CBL: variants seen among roughly 807,000 people sequenced by gnomAD.
CBL encodes Cbl proto-oncogene.
A neutral mutation model predicts 96.9 loss-of-function variants in CBL; 45 were observed. The ratio of observed to expected loss-of-function variants is 0.46; its 90% CI spans 0.37 to 0.60. The LOEUF is 0.60. Ranked by LOEUF, CBL falls within the 20% of genes least tolerant of loss-of-function variation. The probability of loss-of-function intolerance (pLI) is 0.00; values close to 1 mark genes in which losing one functional copy is unlikely to be tolerated. For synonymous variants in CBL, 420 were observed against 426.8 expected, an observed-to-expected ratio of 0.98 and a Z score of 0.20; for missense variants, 1,024 against 1,143.5, an observed-to-expected ratio of 0.90 and a Z score of 1.51.
At chr11:119,241,719 T>G (rs1212033898) in intron 2 of CBL, among the ~76,000 whole-genome samples, 2 of 152,140 alleles carry the variant, frequency 1.3e-5, no homozygotes, top group Non-Finnish European at 2.9e-5. Context: ...TTGGGCTTGG[T>G]GGGAAGAGAT....
At chr11:119,232,719 T>G (rs1196500290) in intron 2 of CBL, 24 bp downstream of exon 2, 4 of 1,609,542 alleles carry the variant, frequency 2.5e-6, no homozygotes, top group African/African-American at 1.3e-5. Context: ...ACTACACAAA[T>G]AATTATGCAG....
chr11:119,277,241 G>GCACA (rs59099916), intron 6 of CBL, among the ~76,000 whole-genome samples: 2,457 of 146,462 alleles, frequency 0.017, 69 homozygotes, highest in African/African-American at 0.053. Flanking sequence ...AATCTGTCGC[G>GCACA]CACACACACA....
chr11:119,249,781 C>T (rs1949658095), intron 2 of CBL, among the ~76,000 whole-genome samples: 1 of 151,708 alleles, frequency 6.6e-6, no homozygotes, highest in Non-Finnish European at 1.5e-5. Flanking sequence ...CCTAAGCTTC[C>T]CAAGTTGCTG....
chr11:119,207,839 C>T (rs768161465), intron 1 of CBL, among the ~76,000 whole-genome samples: 19 of 152,138 alleles, frequency 1.2e-4, no homozygotes, highest in Non-Finnish European at 5.9e-5. Flanking sequence ...GGCCTCGGTT[C>T]CTCTTCTGTA....
At chr11:119,270,416 T>TTATATATATATATATATATATA (rs142299271) in intron 2 of CBL, among the ~76,000 whole-genome samples, 1 of 74,358 alleles carries the variant, frequency 1.3e-5, no homozygotes, top group Non-Finnish European at 2.4e-5. Context: ...CAGCTAATTT[T>TTATATATATATATATATATATA]TATATATATA....
rs1206278540 is a variant in CBL at position 119,277,831 on chromosome 11, T to G, written c.1082T>G (p.Ile361Ser). Reference sequence around the variant, plus strand: ...TGTGAACCAACTCCCCAAGACCATATCAAAGTGACCCAGGTGAGTTTTGTT... The same window carrying G: ...TGTGAACCAACTCCCCAAGACCATAGCAAAGTGACCCAGGTGAGTTTTGTT... Reference protein sequence around the residue: ...GLCEPTPQDHIKVTQEQYELY... With the variant: ...GLCEPTPQDHSKVTQEQYELY... The change falls in exon 7 of 16, where the codon ATC (isoleucine) becomes AGC (serine). Residue 361 changes from isoleucine to serine, a missense_variant. Coordinates refer to ENST00000264033, the MANE Select transcript of CBL (RefSeq NM_005188.4). 1 of 1,612,264 alleles carries G rather than the reference T, an allele frequency of 6.2e-7. No individual in the cohort carries two copies. Among genetic ancestry groups the G allele is most frequent in the Non-Finnish European group, 8.5e-7 (1 of 1,178,300 alleles).
chr11:119,226,525 T>C (rs1173934421), intron 1 of CBL, among the ~76,000 whole-genome samples: 1 of 152,096 alleles, frequency 6.6e-6, no homozygotes, highest in Non-Finnish European at 1.5e-5. Context: ...GTGGCATGTC[T>C]CAGCTCACTG....
intron 1 of CBL, among the ~76,000 whole-genome samples, chr11:119,228,041 C>G (rs1474991915): frequency 6.6e-6 from 1 of 151,814 alleles, no homozygotes; most frequent in Admixed American, 6.6e-5. Flanking sequence ...TGGTCTCTGT[C>G]TGAACCTATG....
At chr11:119,220,284 A>C (rs1331514644) in intron 1 of CBL, among the ~76,000 whole-genome samples, 1 of 152,192 alleles carries the variant, frequency 6.6e-6, no homozygotes, top group Non-Finnish European at 1.5e-5. Context: ...TACAGGTGTG[A>C]GCCACTGCAC....
chr11:119,236,492 A>C (rs533777581), intron 2 of CBL, among the ~76,000 whole-genome samples: 1 of 151,060 alleles, frequency 6.6e-6, no homozygotes, highest in South Asian at 2.1e-4. Context: ...TGTCATTTCT[A>C]CTTTTTGGCT....
chr11:119,303,810 C>T lies in CBL; in HGVS notation c.*4029C>T, dbSNP rs563585627. The T allele has an allele frequency of 2.6e-4, 60 of 233,592 alleles. No homozygotes were observed. The highest frequency in any genetic ancestry group is 4.7e-4 in the Non-Finnish European group (55 of 118,068). 14.5% of individuals were successfully genotyped at this position (233,592 alleles called of 1,614,324 possible). A position where few individuals can be genotyped will look rare whatever the true frequency, so the allele number is the denominator to read the frequency against. On this transcript the variant is annotated 3_prime_UTR_variant, in exon 16 of 16. Transcript: ENST00000264033. ...TTAAGCAAAGCATCTGCCCACACTCCCCTTTCCAATCTAGTGCCTTCCTTG... is the reference window on the plus strand; with the variant it reads ...TTAAGCAAAGCATCTGCCCACACTCTCCTTTCCAATCTAGTGCCTTCCTTG...
chr11:119,278,469 T>A, intron 8 of CBL, 41 bp from the exon 9 acceptor site: 1 of 1,570,328 alleles, frequency 6.4e-7, no homozygotes, highest in Non-Finnish European at 8.8e-7. Flanking sequence ...ATTTTAAGTA[T>A]TTTCAGATGC....
At chr11:119,238,062 G>A (rs1301296688) in intron 2 of CBL, among the ~76,000 whole-genome samples, 1 of 151,544 alleles carries the variant, frequency 6.6e-6, no homozygotes, top group Non-Finnish European at 1.5e-5. Flanking sequence ...ACTAGAGACG[G>A]GGTTTCACCA....
At chr11:119,256,566 AT>A (rs1949712553) in intron 2 of CBL, among the ~76,000 whole-genome samples, 1 of 152,044 alleles carries the variant, frequency 6.6e-6, no homozygotes, top group African/African-American at 2.4e-5. Flanking sequence ...CTTTTTAAAA[AT>A]TTCAGTAACT....
intron 2 of CBL, among the ~76,000 whole-genome samples, chr11:119,235,083 A>AG (rs1254566475): frequency 6.6e-6 from 1 of 152,146 alleles, no homozygotes; most frequent in African/African-American, 2.4e-5. Flanking sequence ...GTCATAGAAC[A>AG]GGTTTATTTT....
intron 1 of CBL, among the ~76,000 whole-genome samples, chr11:119,229,121 C>G (rs1284927552): frequency 6.6e-6 from 1 of 152,124 alleles, no homozygotes; most frequent in Non-Finnish European, 1.5e-5. Flanking sequence ...GTTACAGTGT[C>G]GGTCTTCCCC....
Position 119,300,434 on chromosome 11 carries a change from A to G in CBL, c.*653A>G, listed in dbSNP as rs1302025619. 2 of 404,298 alleles carry G rather than the reference A, an allele frequency of 4.9e-6. No individual in the cohort carries two copies. The highest frequency in any genetic ancestry group is 8.3e-5 in the Admixed American group (2 of 24,122). 25.0% of individuals were successfully genotyped at this position (404,298 alleles called of 1,614,324 possible). A position where few individuals can be genotyped will look rare whatever the true frequency, so the allele number is the denominator to read the frequency against. On this transcript the variant is annotated 3_prime_UTR_variant, in exon 16 of 16. Coordinates refer to ENST00000264033, the MANE Select transcript of CBL (RefSeq NM_005188.4). ...TCCTCATCCTTCTTGGTGTTCTGTC[A>G]TGGGCCATGGGCTTGCTATGGCCAG...
intron 12 of CBL, among the ~76,000 whole-genome samples, chr11:119,293,535 T>G (rs1950043980): frequency 6.6e-6 from 1 of 152,146 alleles, no homozygotes; most frequent in South Asian, 2.1e-4. Context: ...TCTGCTTGTT[T>G]TCTCAAAATC....
At chr11:119,266,722 A>G (rs1233930023) in intron 2 of CBL, among the ~76,000 whole-genome samples, 1 of 152,178 alleles carries the variant, frequency 6.6e-6, no homozygotes, top group Non-Finnish European at 1.5e-5. Context: ...GTAGAGTAGA[A>G]TTTGTAGTTC....
Sources: gnomAD v4.1 joint callset for allele counts (sites outside exome capture counted in the v4.1 genomes callset) on GRCh38, gnomAD v4.1.1 for gene constraint, MANE v1.5 for transcripts, NCBI Gene and HGNC (gene_info 2026-07-23, HGNC 2026-07-21) for gene names.